The following SPEG variants were observed in gnomAD, a reference collection of about 807,000 sequenced individuals.
SPEG encodes the protein striated muscle preferentially expressed protein kinase.
A neutral mutation model predicts 300.4 loss-of-function variants in SPEG; 114 were observed. The ratio of observed to expected loss-of-function variants is 0.38; its 90% CI spans 0.33 to 0.44. The LOEUF (loss-of-function observed/expected upper bound fraction) is 0.44, where lower values mean the gene tolerates loss of function less well. Among genes scored for constraint, SPEG ranks in the 20% least tolerant of loss-of-function variants. The pLI, the probability that SPEG is intolerant of heterozygous loss-of-function variation, is 1.00. For missense variants in SPEG, 4,201 were observed against 4,586.2 expected, an observed-to-expected ratio of 0.92 and a Z score of 2.43; for synonymous variants, 1,964 against 2,018.9, an observed-to-expected ratio of 0.97 and a Z score of 0.73.
chr2:219,469,042 G>A lies in SPEG; in HGVS notation c.3485G>A (p.Gly1162Asp). Reference protein sequence around the residue: ...YVEEPRTAASGPSSKLEKMPS... With the variant: ...YVEEPRTAASDPSSKLEKMPS... The stretch of plus-strand genomic sequence containing the variant: ...GAAGAGCCCCGGACAGCCGCCTCAG[G>A]CCCCAGGTACCACCGGGGCCCCAAA... Residue 1162 changes from glycine (G) to aspartate (D), a missense_variant, in exon 12 of 41, where the codon GGC becomes GAC. Gly to Asp is a moderately conservative substitution (Grantham distance 94). This residue lies in a region of SPEG where 1,047 missense variants were observed against 1,356.8 expected (regional missense o/e 0.77). Transcript: ENST00000312358. 1 of 1,611,962 alleles carries A rather than the reference G, an allele frequency of 6.2e-7. No homozygotes were observed.
In SPEG at chr2:219,445,495, A is replaced by G; in HGVS notation, c.815+334A>G. ...CATTTGGGCTCCAGTTGTCCCCAGGATCCCTCCCCCGACCCGGGGGCCCCC... is the reference window on the plus strand; with the variant it reads ...CATTTGGGCTCCAGTTGTCCCCAGGGTCCCTCCCCCGACCCGGGGGCCCCC... On this transcript the variant is annotated intron_variant, in intron 3 of 40. Coordinates refer to ENST00000312358, the MANE Select transcript of SPEG (RefSeq NM_005876.5). This position sits in a 1 kb window ranked among gnomAD's most constrained non-coding sequence, Gnocchi z 6.1. The G allele has an allele frequency of 2.6e-6, 1 of 383,476 alleles. No individual in the cohort carries two copies. Among genetic ancestry groups the G allele is most frequent in the Admixed American group, 4.3e-5 (1 of 23,142 alleles). 23.8% of individuals were successfully genotyped at this position (383,476 alleles called of 1,614,324 possible). A position where few individuals can be genotyped will look rare whatever the true frequency, so the allele number is the denominator to read the frequency against.
Position 219,469,222 on chromosome 2 carries a change from C to T in SPEG, c.3558C>T (p.Ser1186=), listed in dbSNP as rs775133496. 1.2e-6 allele frequency: 2 copies of T among 1,613,610 alleles called. No homozygotes were observed. Among genetic ancestry groups the T allele is most frequent in the East Asian group, 2.2e-5 (1 of 44,870 alleles). ...AGCAGGGTGAGCTGGAGCGGCTGTC[C>T]ATTCCTGACTTCCTGCGGCCACTGC... ...EPEQGELERL[S]IPDFLRPLQD... is the part of the protein sequence containing the mutation. Residue 1186 remains serine, a synonymous_variant, in exon 13 of 41, where the codon TCC becomes TCT. Transcript: ENST00000312358.
chr2:219,492,150 G>A lies in SPEG; in HGVS notation c.9501G>A (p.Gln3167=), dbSNP rs1161912617. 4 of 1,613,712 alleles carry A rather than the reference G, an allele frequency of 2.5e-6. No homozygotes were observed. Among genetic ancestry groups the A allele is most frequent in the African/African-American group, 1.3e-5 (1 of 75,046 alleles). Residue 3167 remains glutamine (Q), a synonymous_variant, in exon 40 of 41, where the codon CAG becomes CAA. Coordinates refer to ENST00000312358, the MANE Select transcript of SPEG (RefSeq NM_005876.5). ...CCCCGTTCTATGAGCCAGACCCCCA[G>A]GAAACGGAGGCTCGGATTGTGGGGG... ...GRSPFYEPDP[Q]ETEARIVGGR...
chr2:219,465,969 G>T, intron 9 of SPEG: 2 of 1,141,966 alleles, frequency 1.8e-6, no homozygotes, highest in South Asian at 2.6e-5. Flanking sequence ...GTGTGCATGC[G>T]TGTGTGTGCA....
In SPEG at chr2:219,473,768, G is replaced by A; in HGVS notation, c.4312G>A (p.Glu1438Lys). The A allele has an allele frequency of 6.2e-7, 1 of 1,614,028 alleles. No homozygotes were observed. ...CCTAGAGGCACGGGCCGGTGTGTACGAGCTGAGCCAGCCAGATGATGACCA... is the reference window on the plus strand; with the variant it reads ...CCTAGAGGCACGGGCCGGTGTGTACAAGCTGAGCCAGCCAGATGATGACCA... ...ALLEARAGVYELSQPDDDQYC... is the reference protein window; with the variant it reads ...ALLEARAGVYKLSQPDDDQYC... The change falls in exon 18 of 41, where the codon GAG (glutamate) becomes AAG (lysine). Residue 1438 changes from glutamate to lysine, a missense_variant. Transcript: ENST00000312358. This position sits in a 1 kb window ranked among gnomAD's most constrained non-coding sequence, Gnocchi z 4.6.
At chr2:219,471,756 G>GC (rs765290003) in intron 13 of SPEG, 112 bp from the exon 14 acceptor site, 132 of 1,361,712 alleles carry the variant, frequency 9.7e-5, no homozygotes, top group Non-Finnish European at 9.8e-5. Flanking sequence ...TTGCCCACTC[G>GC]CCTCCTCCCT....
rs921776263 is a variant in SPEG, at chr2:219,473,329, C to T, written c.4148-175C>T. The T allele has an allele frequency of 9.0e-6, 7 of 777,960 alleles. No individual in the cohort carries two copies. Among genetic ancestry groups the T allele is most frequent in the Non-Finnish European group, 1.4e-5 (7 of 487,474 alleles). 48.2% of individuals were successfully genotyped at this position (777,960 alleles called of 1,614,324 possible). A position where few individuals can be genotyped will look rare whatever the true frequency, so the allele number is the denominator to read the frequency against. On this transcript the variant is annotated intron_variant, in intron 16 of 40. Coordinates refer to ENST00000312358, the MANE Select transcript of SPEG (RefSeq NM_005876.5). This position sits in a 1 kb window ranked among gnomAD's most constrained non-coding sequence, Gnocchi z 4.6. Reference sequence around the variant, plus strand: ...CTGCTGGGGTCCAACCCCACAACCTCAGCTTTGCTGCTCTCTGGCTGTGTT... The same window carrying T: ...CTGCTGGGGTCCAACCCCACAACCTTAGCTTTGCTGCTCTCTGGCTGTGTT...
chr2:219,464,335 A>C lies in SPEG; in HGVS notation c.2706-98A>C. The C allele has an allele frequency of 7.7e-7, 1 of 1,306,084 alleles. No individual in the cohort carries two copies. The highest frequency in any genetic ancestry group is 1.0e-6 in the Non-Finnish European group (1 of 954,192). 80.9% of individuals were successfully genotyped at this position (1,306,084 alleles called of 1,614,324 possible). ...CAGATCTGGGGACTGGGCAAACTGC[A>C]CAGGGAAGGAGAGGCCTGCACAGTG... On this transcript the variant is annotated intron_variant, in intron 8 of 40. Transcript: ENST00000312358. This position sits in a 1 kb window ranked among gnomAD's most constrained non-coding sequence, Gnocchi z 4.5.
In SPEG at chr2:219,483,323, C is replaced by T. The variant is rs746657030; in HGVS notation, c.5860C>T (p.Pro1954Ser). The T allele has an allele frequency of 1.9e-6, 3 of 1,606,118 alleles. No individual in the cohort carries two copies. Among genetic ancestry groups the T allele is most frequent in the East Asian group, 2.2e-5 (1 of 44,770 alleles). ...SGSRVSLTDI[P>S]TEDEALGTPE... is the part of the protein sequence containing the mutation. The stretch of plus-strand genomic sequence containing the variant: ...CTCCCGGGTGTCCCTCACAGACATT[C>T]CCACTGAGGATGAGGCCCTGGGGAC... The change falls in exon 30 of 41, where the codon CCC becomes TCC. Residue 1954 changes from proline (P) to serine (S), a missense_variant. This residue lies in a region of SPEG where 1,578 missense variants were observed against 1,506.0 expected (regional missense o/e 1.05). Transcript: ENST00000312358.
chr2:219,452,767 G>A (rs1328605055), intron 6 of SPEG, among the ~76,000 whole-genome samples: 1 of 152,140 alleles, frequency 6.6e-6, no homozygotes, highest in Admixed American at 6.5e-5. Flanking sequence ...GCCAAGAGGG[G>A]GAACAGCACA....
At position 219,440,361 on chromosome 2, in the gene SPEG, C is replaced by T. The variant is rs571866054; in HGVS notation, c.389-4292C>T. Among the ~76,000 whole-genome samples, 98 of 152,060 alleles carry T rather than the reference C, an allele frequency of 6.4e-4. 1 individual carries two copies. Among genetic ancestry groups the T allele is most frequent in the Non-Finnish European group, 8.4e-4 (57 of 68,002 alleles). On this transcript the variant is annotated intron_variant, in intron 1 of 40. Transcript: ENST00000312358. ...CATGATGGCACCGCTGCACTCTAGC[C>T]TGGACAACAGAGTGAGACCTAGTCT...
Position 219,478,239 on chromosome 2 carries a change from T to C in SPEG, c.5027+134T>C, listed in dbSNP as rs887033080. ...AATTGGGAGGGATACATCTGGAGACTTCTATGAAAACCAACAGTTTTAAGC... is the reference window on the plus strand; with the variant it reads ...AATTGGGAGGGATACATCTGGAGACCTCTATGAAAACCAACAGTTTTAAGC... On this transcript the variant is annotated intron_variant, in intron 22 of 40. Coordinates refer to ENST00000312358, the MANE Select transcript of SPEG (RefSeq NM_005876.5). 67 of 759,424 alleles carry C rather than the reference T, an allele frequency of 8.8e-5. No individual in the cohort carries two copies. The Middle Eastern group carries it at 3.5e-3, about 40-fold the overall frequency. The allele number at this position is 759,424 out of a possible 1,614,324, so 47.0% of individuals were successfully genotyped here.
intron 31 of SPEG, among the ~76,000 whole-genome samples, chr2:219,486,675 C>T (rs913310279): frequency 3.3e-5 from 5 of 152,262 alleles, no homozygotes; most frequent in East Asian, 3.9e-4. Context: ...ATCCGCTCCC[C>T]GTTCCCTGCA....
chr2:219,444,922 G>T lies in SPEG; in HGVS notation c.576G>T (p.Gln192His), dbSNP rs1264146839. Residue 192 changes from glutamine to histidine, a missense_variant, in exon 3 of 41, where the codon CAG becomes CAT. Coordinates refer to ENST00000312358, the MANE Select transcript of SPEG (RefSeq NM_005876.5). This position sits in a 1 kb window ranked among gnomAD's most constrained non-coding sequence, Gnocchi z 7.8. ...AAGTGAGCTGGTGGGGCAGCGGGCA[G>T]ACGGTCCTGGAGCAGGAAGCGGGCA... ...EEQVSWWGSG[Q>H]TVLEQEAGSG... is the part of the protein sequence containing the mutation. 3.8e-6 allele frequency: 6 copies of T among 1,579,130 alleles called. No homozygotes were observed. Among genetic ancestry groups the T allele is most frequent in the Non-Finnish European group, 5.2e-6 (6 of 1,162,848 alleles).
chr2:219,468,467 G>A lies in SPEG; in HGVS notation c.3143-111G>A. The A allele has an allele frequency of 2.4e-6, 3 of 1,255,408 alleles. No homozygotes were observed. In the South Asian group the frequency reaches 4.3e-5, roughly 18 times the overall value. The allele number at this position is 1,255,408 out of a possible 1,614,324, so 77.8% of individuals were successfully genotyped here. On this transcript the variant is annotated intron_variant, in intron 10 of 40. Transcript: ENST00000312358. ...CCCCTGAGTACCCAGAGCCTTTGCT[G>A]GGCTCTGCCCAGGCTCCAGCTTCCT...
In SPEG at chr2:219,435,178, C is replaced by T. The variant is rs1461044920; in HGVS notation, c.201C>T (p.Ser67=). 3 of 1,477,384 alleles carry T rather than the reference C, an allele frequency of 2.0e-6. No individual in the cohort carries two copies. The highest frequency in any genetic ancestry group is 2.4e-5 in the Admixed American group (1 of 42,238). The allele number at this position is 1,477,384 out of a possible 1,614,324, so 91.5% of individuals were successfully genotyped here. ...GSDVRLRVVV[S]GTPQPSLRWF... Reference sequence around the variant, plus strand: ...ACGTGCGGCTGCGGGTGGTGGTGAGCGGGACGCCCCAGCCCAGCCTCCGCT... The same window carrying T: ...ACGTGCGGCTGCGGGTGGTGGTGAGTGGGACGCCCCAGCCCAGCCTCCGCT... The change falls in exon 1 of 41, where the codon AGC becomes AGT. Residue 67 remains serine (S), a synonymous_variant. Transcript: ENST00000312358.
chr2:219,475,441 C>G (rs970506367), intron 18 of SPEG, among the ~76,000 whole-genome samples: 1 of 152,154 alleles, frequency 6.6e-6, no homozygotes, highest in African/African-American at 2.4e-5. Context: ...GACAGGATTC[C>G]TAGAGGCGAG....
At chr2:219,456,660 A>G (rs529409359) in intron 6 of SPEG, among the ~76,000 whole-genome samples, 1 of 152,356 alleles carries the variant, frequency 6.6e-6, no homozygotes, top group African/African-American at 2.4e-5. Flanking sequence ...CTGTAATCCC[A>G]GCACTTTGGG....
rs907047952 is a variant in SPEG at position 219,493,170 on chromosome 2, G to C, written c.*384G>C. 1.4e-5 allele frequency: 6 copies of C among 418,166 alleles called. No homozygotes were observed. The highest frequency in any genetic ancestry group is 4.1e-5 in the African/African-American group (2 of 49,076). 25.9% of individuals were successfully genotyped at this position (418,166 alleles called of 1,614,324 possible). A position where few individuals can be genotyped will look rare whatever the true frequency, so the allele number is the denominator to read the frequency against. Reference sequence around the variant, plus strand: ...GGAAGGTGGGCATGGCTGGAGAGGAGGAAAAGGAAGGAGCCCCAGGTGTCA... The same window carrying C: ...GGAAGGTGGGCATGGCTGGAGAGGACGAAAAGGAAGGAGCCCCAGGTGTCA... On this transcript the variant is annotated 3_prime_UTR_variant, in exon 41 of 41. Coordinates refer to ENST00000312358, the MANE Select transcript of SPEG (RefSeq NM_005876.5).
Sources: allele counts gnomAD v4.1 joint callset (sites outside exome capture counted in the v4.1 genomes callset), GRCh38; gene constraint gnomAD v4.1.1; regional missense constraint gnomAD v4.1.1; non-coding constraint Gnocchi (gnomAD v3.1); transcripts MANE v1.5; gene names NCBI Gene and HGNC (gene_info 2026-07-23, HGNC 2026-07-21).